The following IQCK variants were observed in gnomAD, a reference collection of about 807,000 sequenced individuals.
The protein encoded by IQCK is IQ domain-containing protein K.
Under a neutral mutation model 28.1 loss-of-function variants are expected in IQCK, and 29 were observed. That is an observed-to-expected ratio of 1.03 (90% CI 0.77 to 1.41). The LOEUF (loss-of-function observed/expected upper bound fraction) is 1.41. Among genes scored for constraint, IQCK ranks in the 40% most tolerant of loss-of-function variants. The pLI, the probability that IQCK is intolerant of heterozygous loss-of-function variation, is 0.00. For synonymous variants in IQCK, 113 were observed against 115.1 expected (o/e 0.98, Z 0.12); for missense variants, 359 against 314.7 (o/e 1.14, Z -1.07).
At chr16:19,742,615 C>T (rs1311788761) in intron 4 of IQCK, among the ~76,000 whole-genome samples, 2 of 152,184 alleles carry the variant, frequency 1.3e-5, no homozygotes, top group Non-Finnish European at 2.9e-5. Flanking sequence ...GAACTTGCAT[C>T]CAATTGGCTC....
At chr16:19,817,613 C>CTGTTTT (rs2141075798) in intron 7 of IQCK, among the ~76,000 whole-genome samples, 1 of 152,226 alleles carries the variant, frequency 6.6e-6, no homozygotes. Flanking sequence ...ATGGATGTTT[C>CTGTTTT]TGTTTTTGTT....
At chr16:19,775,913 T>A (rs902478514) in intron 6 of IQCK, among the ~76,000 whole-genome samples, 3 of 136,500 alleles carry the variant, frequency 2.2e-5, no homozygotes, top group African/African-American at 8.2e-5. Context: ...AAGGAGTCTA[T>A]CTCTGTCATC....
At chr16:19,739,847 A>G (rs557664204) in intron 4 of IQCK, among the ~76,000 whole-genome samples, 1 of 152,064 alleles carries the variant, frequency 6.6e-6, no homozygotes, top group Non-Finnish European at 1.5e-5. Flanking sequence ...TCATTGATTT[A>G]TTGCCCGTTG....
intron 7 of IQCK, among the ~76,000 whole-genome samples, chr16:19,818,272 G>A (rs771562919): frequency 3.9e-5 from 6 of 152,174 alleles, no homozygotes; most frequent in Non-Finnish European, 7.3e-5. Context: ...ATAAAGATCT[G>A]GGGGCTTATC....
intron 4 of IQCK, among the ~76,000 whole-genome samples, chr16:19,737,550 C>T (rs1328549021): frequency 6.6e-6 from 1 of 152,132 alleles, no homozygotes; most frequent in East Asian, 1.9e-4. Flanking sequence ...GATGATGAGA[C>T]ATTGATCAGA....
chr16:19,754,400 T>C (rs1322201370), intron 4 of IQCK, among the ~76,000 whole-genome samples: 4 of 152,222 alleles, frequency 2.6e-5, no homozygotes, highest in Non-Finnish European at 1.5e-5. Context: ...GGATTAAATG[T>C]GGACTCTGGG....
At chr16:19,775,119 C>G (rs1003237337) in intron 6 of IQCK, among the ~76,000 whole-genome samples, 1 of 151,114 alleles carries the variant, frequency 6.6e-6, no homozygotes, top group Non-Finnish European at 1.5e-5. Context: ...CCCAGCTACT[C>G]AGGAGGCTGA....
At chr16:19,846,060 G>C (rs2056412537) in intron 9 of IQCK, among the ~76,000 whole-genome samples, 1 of 152,194 alleles carries the variant, frequency 6.6e-6, no homozygotes, top group Non-Finnish European at 1.5e-5. Context: ...CTGGGCAATA[G>C]AGCGAGACCC....
chr16:19,731,970 G>T (rs1977854409), intron 2 of IQCK, among the ~76,000 whole-genome samples: 1 of 152,218 alleles, frequency 6.6e-6, no homozygotes, highest in Admixed American at 6.5e-5. Context: ...GAGCCCCAGG[G>T]ACCACTGGTG....
At chr16:19,806,462 A>C (rs758162727) in intron 7 of IQCK, among the ~76,000 whole-genome samples, 7 of 152,034 alleles carry the variant, frequency 4.6e-5, no homozygotes, top group Non-Finnish European at 8.8e-5. Context: ...GAGGCGGGCA[A>C]ATCACTTGAG....
chr16:19,848,154 A>AATGAGTGTGATGAGTCTTCTTTGTG (rs2056435514), intron 9 of IQCK, among the ~76,000 whole-genome samples: 1 of 152,170 alleles, frequency 6.6e-6, no homozygotes, highest in Non-Finnish European at 1.5e-5. Flanking sequence ...CTTTACCAAC[A>AATGAGTGTGATGAGTCTTCTTTGTG]ATGAGTGTGA....
chr16:19,857,251 GTAGT>G (rs754561607), exon 10 of IQCK: 17 of 316,568 alleles, frequency 5.4e-5, no homozygotes, highest in East Asian at 1.0e-4. Context: ...CGAAAGCCTA[GTAGT>G]TAGTTGCACT....
chr16:19,803,168 A>T (rs2055782625), intron 7 of IQCK, among the ~76,000 whole-genome samples: 1 of 151,998 alleles, frequency 6.6e-6, no homozygotes, highest in Non-Finnish European at 1.5e-5. Context: ...TTTGAGACAG[A>T]GTCTCACTCT....
At chr16:19,841,780 T>C (rs1450583142) in intron 9 of IQCK, among the ~76,000 whole-genome samples, 1 of 152,122 alleles carries the variant, frequency 6.6e-6, no homozygotes, top group Non-Finnish European at 1.5e-5. Context: ...GTAATGAATA[T>C]GCTTAGTCCA....
At chr16:19,817,519 G>T (rs900690465) in intron 7 of IQCK, among the ~76,000 whole-genome samples, 1 of 152,094 alleles carries the variant, frequency 6.6e-6, no homozygotes, top group African/African-American at 2.4e-5. Flanking sequence ...AGATGAAAGG[G>T]TCTCTGGCCA....
At chr16:19,786,791 AAGAAAGAG>A (rs1467494902) in intron 6 of IQCK, among the ~76,000 whole-genome samples, 1 of 108,262 alleles carries the variant, frequency 9.2e-6, no homozygotes, top group Non-Finnish European at 1.6e-5. Context: ...CTAGAAAAGA[AAGAAAGAG>A]AGAGAGAGAG....
intron 6 of IQCK, among the ~76,000 whole-genome samples, chr16:19,764,514 A>G (rs1468842550): frequency 6.6e-6 from 1 of 152,112 alleles, no homozygotes; most frequent in Non-Finnish European, 1.5e-5. Context: ...AATATAATAA[A>G]GAACATGACA....
chr16:19,853,266 C>T (rs2056509297), intron 9 of IQCK, among the ~76,000 whole-genome samples: 1 of 152,086 alleles, frequency 6.6e-6, no homozygotes, highest in South Asian at 2.1e-4. Context: ...CTGGGAGGCT[C>T]CACGTCACAC....
At chr16:19,765,552 G>A (rs901965546) in intron 6 of IQCK, among the ~76,000 whole-genome samples, 1 of 151,858 alleles carries the variant, frequency 6.6e-6, no homozygotes. Flanking sequence ...AAAAAATTTA[G>A]ACTCTCGGCT....
Sources: allele counts gnomAD v4.1 joint callset (sites outside exome capture counted in the v4.1 genomes callset), GRCh38; gene constraint gnomAD v4.1.1; transcripts MANE v1.5; gene names NCBI Gene and HGNC (gene_info 2026-07-23, HGNC 2026-07-21).